Variants in KIAA0232 observed in about 807,000 individuals in gnomAD.
KIAA0232 encodes uncharacterized protein KIAA0232.
A neutral mutation model predicts 122.0 loss-of-function variants in KIAA0232; 27 were observed. The observed-to-expected ratio is 0.22, with a 90% CI of 0.16 to 0.31. KIAA0232 has a LOEUF of 0.31. KIAA0232 is among the 10% of genes least tolerant of loss of function. KIAA0232 has a pLI of 1.00. For synonymous variants in KIAA0232, 613 were observed against 587.6 expected (o/e 1.04, Z -0.63); for missense variants, 1,551 against 1,634.2 (o/e 0.95, Z 0.88).
rs1487150913 is a variant in KIAA0232, at chr4:6,861,702, A to G, written c.1320A>G (p.Glu440=). The change falls in exon 7 of 10, where the codon GAA becomes GAG. Residue 440 remains glutamate, a synonymous_variant. Coordinates refer to ENST00000307659, the MANE Select transcript of KIAA0232 (RefSeq NM_014743.3). ...ATCTGACATCAGAGGCAGTGGAAGA[A>G]TTGTCTGAATCAGTGCATGGTCTTT... ...TSDLTSEAVE[E]LSESVHGLCI... The G allele has an allele frequency of 4.3e-6, 7 of 1,614,014 alleles. No homozygotes were observed. The East Asian group carries it at 1.3e-4, about 31-fold the overall frequency.
Position 6,880,993 on chromosome 4 carries a change from T to G in KIAA0232, c.*27T>G, listed in dbSNP as rs753104288. On this transcript the variant is annotated 3_prime_UTR_variant, in exon 10 of 10. Transcript: ENST00000307659. Reference sequence around the variant, plus strand: ...CCTGCAAAATAGTACAAATTATTGTTTAAAAATGATATGTGATGGAAAATT... The same window carrying G: ...CCTGCAAAATAGTACAAATTATTGTGTAAAAATGATATGTGATGGAAAATT... 127 of 1,419,278 alleles carry G rather than the reference T, an allele frequency of 8.9e-5. No individual in the cohort carries two copies. Among genetic ancestry groups the G allele is most frequent in the Non-Finnish European group, 1.2e-4 (125 of 1,076,316 alleles). 87.9% of individuals were successfully genotyped at this position (1,419,278 alleles called of 1,614,324 possible).
chr4:6,845,197 C>G (rs1368514377), intron 4 of KIAA0232, among the ~76,000 whole-genome samples: 1 of 152,180 alleles, frequency 6.6e-6, no homozygotes, highest in African/African-American at 2.4e-5. Context: ...GTGATTGAGC[C>G]TGGGCTTAAT....
chr4:6,862,264 C>T lies in KIAA0232; in HGVS notation c.1882C>T (p.Leu628Phe). ...LDSTVLNSHL[L>F]AGNQELFSDI... The stretch of plus-strand genomic sequence containing the variant: ...CAGCACAGTGCTCAATTCACACCTG[C>T]TTGCTGGCAATCAAGAGCTCTTTTC... Residue 628 changes from leucine (L) to phenylalanine (F), a missense_variant, in exon 7 of 10, where the codon CTT (leucine) becomes TTT (phenylalanine). Physicochemically the swap from Leu to Phe is conservative, Grantham distance 22. Transcript: ENST00000307659. The T allele has an allele frequency of 6.2e-7, 1 of 1,614,178 alleles. No individual in the cohort carries two copies. Among genetic ancestry groups the T allele is most frequent in the South Asian group, 1.1e-5 (1 of 91,082 alleles).
chr4:6,821,297 C>G (rs969467798), intron 2 of KIAA0232, among the ~76,000 whole-genome samples: 2 of 151,814 alleles, frequency 1.3e-5, no homozygotes, highest in Non-Finnish European at 2.9e-5. Context: ...GTGGTGATTT[C>G]TGAGATTTTG....
chr4:6,839,698 G>T (rs1477597194), intron 3 of KIAA0232, among the ~76,000 whole-genome samples: 1 of 152,122 alleles, frequency 6.6e-6, no homozygotes, highest in East Asian at 1.9e-4. Flanking sequence ...CAGGCCCGCA[G>T]GAAACAGACC....
chr4:6,831,560 TC>T (rs1485335856), intron 3 of KIAA0232, among the ~76,000 whole-genome samples: 3 of 152,164 alleles, frequency 2.0e-5, no homozygotes, highest in Admixed American at 2.0e-4. Flanking sequence ...GAGGTTTTTT[TC>T]CCTAAACTTT....
At chr4:6,785,345 G>A (rs536238899) in intron 1 of KIAA0232, among the ~76,000 whole-genome samples, 1 of 152,256 alleles carries the variant, frequency 6.6e-6, no homozygotes, top group East Asian at 1.9e-4. Context: ...GATTGTTCTT[G>A]TTCTTTATTT....
intron 2 of KIAA0232, among the ~76,000 whole-genome samples, chr4:6,822,425 C>T (rs1248639245): frequency 6.6e-6 from 1 of 152,114 alleles, no homozygotes; most frequent in Non-Finnish European, 1.5e-5. Context: ...AGTCTTAAAT[C>T]TTTGGGTAAT....
chr4:6,866,220 G>A (rs1721173825), intron 7 of KIAA0232: 1 of 983,922 alleles, frequency 1.0e-6, no homozygotes, highest in Non-Finnish European at 1.2e-6. Context: ...GAGGAAAGAA[G>A]CAAGATTCTA....
intron 1 of KIAA0232, among the ~76,000 whole-genome samples, chr4:6,800,732 T>G (rs1560163802): frequency 6.6e-6 from 1 of 152,138 alleles, no homozygotes; most frequent in Non-Finnish European, 1.5e-5. Context: ...TATACTTGTT[T>G]GAATTCTGTA....
chr4:6,821,278 A>C (rs974945774), intron 2 of KIAA0232, among the ~76,000 whole-genome samples: 1 of 151,886 alleles, frequency 6.6e-6, no homozygotes, highest in Non-Finnish European at 1.5e-5. Context: ...TACATGAGTA[A>C]GTCCTTTAGT....
chr4:6,828,932 A>G (rs780903296), intron 3 of KIAA0232, among the ~76,000 whole-genome samples: 4 of 152,000 alleles, frequency 2.6e-5, no homozygotes, highest in African/African-American at 9.7e-5. Context: ...TATACAGTCA[A>G]TATTCAGTTT....
intron 1 of KIAA0232, among the ~76,000 whole-genome samples, chr4:6,785,521 A>G (rs1486584949): frequency 6.6e-6 from 1 of 152,210 alleles, no homozygotes; most frequent in Non-Finnish European, 1.5e-5. Context: ...AAGACGTGAA[A>G]TGTCGTCAAG....
rs188025265 is a variant in KIAA0232 at position 6,871,426 on chromosome 4, C to G, written c.3802-148C>G. ...TCCAGCCTGAGTGACAGAGCCAGAC[C>G]CTATCTCAAAAAGAAAGAAAGAAAA... On this transcript the variant is annotated intron_variant, in intron 7 of 9. Coordinates refer to ENST00000307659, the MANE Select transcript of KIAA0232 (RefSeq NM_014743.3). The G allele has an allele frequency of 9.3e-4, 525 of 563,032 alleles. 9 individuals carry two copies. The South Asian group carries it at 0.011, about 12-fold the overall frequency. 34.9% of individuals were successfully genotyped at this position (563,032 alleles called of 1,614,324 possible).
chr4:6,805,151 A>G (rs1003181270), intron 2 of KIAA0232, among the ~76,000 whole-genome samples: 2 of 152,178 alleles, frequency 1.3e-5, no homozygotes, highest in Admixed American at 1.3e-4. Context: ...AAATGATGAC[A>G]CTGTTTATTT....
chr4:6,792,274 G>C (rs1716929855), intron 1 of KIAA0232, among the ~76,000 whole-genome samples: 2 of 152,066 alleles, frequency 1.3e-5, no homozygotes, highest in African/African-American at 4.8e-5. Flanking sequence ...TTAACTAGTT[G>C]ATATGAAGAG....
At chr4:6,810,337 T>C (rs967559920) in intron 2 of KIAA0232, among the ~76,000 whole-genome samples, 4 of 152,170 alleles carry the variant, frequency 2.6e-5, no homozygotes, top group Non-Finnish European at 5.9e-5. Context: ...AAGGATACCC[T>C]CTTAAAGAAA....
rs371066886 is a variant in KIAA0232, at chr4:6,862,485, A to T, written c.2103A>T (p.Glu701Asp). The T allele has an allele frequency of 1.2e-5, 20 of 1,614,042 alleles. No homozygotes were observed. In the African/African-American group the frequency reaches 2.4e-4, roughly 19 times the overall value. ...AAAATAGTGCCTTTGAAGAAAATGAACACTGTTCTAATCTTTCAACAAGAA... is the reference window on the plus strand; with the variant it reads ...AAAATAGTGCCTTTGAAGAAAATGATCACTGTTCTAATCTTTCAACAAGAA... ...WTKNSAFEEN[E>D]HCSNLSTRTC... is the part of the protein sequence containing the mutation. The change falls in exon 7 of 10, where the codon GAA becomes GAT. Residue 701 changes from glutamate to aspartate, a missense_variant. Coordinates refer to ENST00000307659, the MANE Select transcript of KIAA0232 (RefSeq NM_014743.3).
intron 6 of KIAA0232, 61 bp downstream of exon 6, chr4:6,858,567 T>C (rs1720684337): frequency 1.9e-6 from 2 of 1,068,578 alleles, no homozygotes; most frequent in South Asian, 2.9e-5. Flanking sequence ...GAATAACTGC[T>C]ACATGGTTTC....
Sources: gnomAD v4.1 joint callset for allele counts (sites outside exome capture counted in the v4.1 genomes callset) on GRCh38, gnomAD v4.1.1 for gene constraint, MANE v1.5 for transcripts, NCBI Gene and HGNC (gene_info 2026-07-23, HGNC 2026-07-21) for gene names.